The following ADAMTSL1 variants were observed in gnomAD, a reference collection of about 807,000 sequenced individuals.
ADAMTSL1 encodes the protein ADAMTS like 1.
ADAMTSL1 carries 126 observed loss-of-function variants against 201.8 expected under a neutral mutation model. That is an observed-to-expected ratio of 0.62 (90% CI 0.54 to 0.72). The LOEUF (loss-of-function observed/expected upper bound fraction) is 0.72. ADAMTSL1 is among the 30% of genes least tolerant of loss of function. The pLI is 0.00. For synonymous variants in ADAMTSL1, 1,121 were observed against 903.4 expected (o/e 1.24, Z -4.32); for missense variants, 2,679 against 2,277.8 (o/e 1.18, Z -3.59).
At chr9:18,725,450 G>T (rs1337736515) in intron 15 of ADAMTSL1, among the ~76,000 whole-genome samples, 1 of 152,166 alleles carries the variant, frequency 6.6e-6, no homozygotes, top group Non-Finnish European at 1.5e-5. Context: ...CTTGTGAGCT[G>T]CCAGTGAGAA....
intron 19 of ADAMTSL1, among the ~76,000 whole-genome samples, chr9:18,794,412 AAAAAC>A (rs1289349378): frequency 2.0e-4 from 17 of 85,982 alleles, no homozygotes; most frequent in East Asian, 3.2e-4. Flanking sequence ...CTCAAAAAAA[AAAAAC>A]AAAAACAAAA....
intron 1 of ADAMTSL1, among the ~76,000 whole-genome samples, chr9:17,937,619 T>G (rs1827065513): frequency 6.9e-6 from 1 of 145,394 alleles, no homozygotes; most frequent in Non-Finnish European, 1.5e-5. Context: ...TGATTTAAAT[T>G]CCTAAAATCT....
chr9:18,033,554 T>G (rs1192271862), intron 1 of ADAMTSL1, among the ~76,000 whole-genome samples: 1 of 152,238 alleles, frequency 6.6e-6, no homozygotes, highest in African/African-American at 2.4e-5. Flanking sequence ...GGGAATGTCC[T>G]TCTAACCAGC....
intron 2 of ADAMTSL1, among the ~76,000 whole-genome samples, chr9:18,301,606 C>G (rs1380150127): frequency 6.6e-6 from 1 of 152,142 alleles, no homozygotes; most frequent in African/African-American, 2.4e-5. Context: ...AATGTGATCT[C>G]TCTCTCAAAA....
chr9:18,129,939 G>C (rs1246285937), intron 1 of ADAMTSL1, among the ~76,000 whole-genome samples: 1 of 152,146 alleles, frequency 6.6e-6, no homozygotes, highest in Non-Finnish European at 1.5e-5. Context: ...ACTGGTCCTT[G>C]TCTGCACTTG....
chr9:18,263,625 C>G (rs979520462), intron 2 of ADAMTSL1, among the ~76,000 whole-genome samples: 9 of 152,198 alleles, frequency 5.9e-5, no homozygotes, highest in Non-Finnish European at 1.0e-4. Flanking sequence ...TCCCCTACCC[C>G]AATTCATATG....
At chr9:18,709,093 A>G (rs1434820139) in intron 14 of ADAMTSL1, among the ~76,000 whole-genome samples, 3 of 152,202 alleles carry the variant, frequency 2.0e-5, no homozygotes, top group Non-Finnish European at 4.4e-5. Context: ...AGGTCTTTAA[A>G]TGTCAACAAC....
chr9:17,944,088 A>C (rs1413885241), intron 1 of ADAMTSL1, among the ~76,000 whole-genome samples: 1 of 152,042 alleles, frequency 6.6e-6, no homozygotes, highest in African/African-American at 2.4e-5. Flanking sequence ...ACTGGGAATT[A>C]CAATTCAACA....
chr9:18,049,320 A>G (rs1821817141), intron 1 of ADAMTSL1, among the ~76,000 whole-genome samples: 1 of 152,198 alleles, frequency 6.6e-6, no homozygotes. Context: ...ATCCTCTACC[A>G]GTGGTGATTT....
chr9:18,579,863 A>T (rs1384050095), intron 4 of ADAMTSL1, among the ~76,000 whole-genome samples: 1 of 152,202 alleles, frequency 6.6e-6, no homozygotes, highest in East Asian at 1.9e-4. Context: ...CCCTATTTAT[A>T]TTTGTTGTAA....
intron 2 of ADAMTSL1, among the ~76,000 whole-genome samples, chr9:18,512,970 T>C (rs574594711): frequency 6.6e-6 from 1 of 152,320 alleles, no homozygotes; most frequent in Non-Finnish European, 1.5e-5. Context: ...TACAAAAGAA[T>C]TGGGAACCTA....
intron 2 of ADAMTSL1, among the ~76,000 whole-genome samples, chr9:18,342,876 C>G (rs1183508628): frequency 6.6e-6 from 1 of 152,156 alleles, no homozygotes; most frequent in East Asian, 1.9e-4. Context: ...CTCTCAATTT[C>G]TCTCTGCCAA....
chr9:18,093,938 G>T (rs1053806005), intron 1 of ADAMTSL1, among the ~76,000 whole-genome samples: 43 of 152,232 alleles, frequency 2.8e-4, no homozygotes, highest in African/African-American at 9.4e-4. Context: ...AGGAAAAGAG[G>T]CAGGTCATTA....
At chr9:18,704,430 A>G (rs1006876853) in intron 13 of ADAMTSL1, among the ~76,000 whole-genome samples, 1 of 152,220 alleles carries the variant, frequency 6.6e-6, no homozygotes, top group Admixed American at 6.5e-5. Flanking sequence ...AGATCTTGCC[A>G]TCTTTCTGAT....
At chr9:18,823,330 AT>A (rs1262341663) in intron 21 of ADAMTSL1, among the ~76,000 whole-genome samples, 1 of 152,044 alleles carries the variant, frequency 6.6e-6, no homozygotes, top group Non-Finnish European at 1.5e-5. Context: ...GAACGTTTCC[AT>A]TTCTCCCATG....
chr9:18,875,102 A>T (rs1281081784), intron 23 of ADAMTSL1, among the ~76,000 whole-genome samples: 1 of 152,114 alleles, frequency 6.6e-6, no homozygotes, highest in African/African-American at 2.4e-5. Context: ...CTGTGGTATC[A>T]TTTGAAACAT....
chr9:18,021,472 A>T (rs1395130919), intron 1 of ADAMTSL1, among the ~76,000 whole-genome samples: 1 of 152,132 alleles, frequency 6.6e-6, no homozygotes. Flanking sequence ...TGCTGCTAAC[A>T]TTACTAATTG....
intron 2 of ADAMTSL1, among the ~76,000 whole-genome samples, chr9:18,240,557 A>T (rs796318306): frequency 2.2e-4 from 33 of 152,272 alleles, no homozygotes; most frequent in African/African-American, 7.7e-4. Flanking sequence ...AACCCATAAC[A>T]AGAGAGTTAG....
chr9:17,947,324 C>CAG (rs1588460930), intron 1 of ADAMTSL1, among the ~76,000 whole-genome samples: 1 of 143,146 alleles, frequency 7.0e-6, no homozygotes, highest in Non-Finnish European at 1.5e-5. Flanking sequence ...CACACACACA[C>CAG]ACACACACAC....
Sources: gnomAD v4.1 joint callset for allele counts (sites outside exome capture counted in the v4.1 genomes callset) on GRCh38, gnomAD v4.1.1 for gene constraint, MANE v1.5 for transcripts, NCBI Gene and HGNC (gene_info 2026-07-23, HGNC 2026-07-21) for gene names.